The following CTNNA2 variants were observed in gnomAD, a reference collection of about 807,000 sequenced individuals.
CTNNA2 encodes catenin alpha 2, also known as catenin alpha-2.
CTNNA2 carries 42 observed loss-of-function variants against 101.0 expected under a neutral mutation model. The ratio of observed to expected loss-of-function variants is 0.42; its 90% CI spans 0.32 to 0.54. The LOEUF (loss-of-function observed/expected upper bound fraction) is 0.54, where lower values mean the gene tolerates loss of function less well. Ranked by LOEUF, CTNNA2 falls within the 20% of genes least tolerant of loss-of-function variation. The probability of loss-of-function intolerance (pLI) is 0.14; values close to 1 mark genes in which losing one functional copy is unlikely to be tolerated. For missense variants in CTNNA2, 871 were observed against 1,223.1 expected (o/e 0.71, Z 4.29); for synonymous variants, 450 against 456.4 (o/e 0.99, Z 0.18).
intron 2 of CTNNA2, among the ~76,000 whole-genome samples, chr2:79,690,943 G>A (rs1237100901): frequency 5.3e-5 from 8 of 151,928 alleles, no homozygotes; most frequent in African/African-American, 1.9e-4. Context: ...TCCAATTTAT[G>A]TACCCATTAT....
chr2:79,837,580 T>C (rs1679477187), intron 3 of CTNNA2, among the ~76,000 whole-genome samples: 1 of 151,988 alleles, frequency 6.6e-6, no homozygotes, highest in Admixed American at 6.6e-5. Flanking sequence ...ATGGCAGAGG[T>C]GTATATTGAA....
At chr2:79,940,518 C>T (rs999801778) in intron 7 of CTNNA2, among the ~76,000 whole-genome samples, 4 of 152,190 alleles carry the variant, frequency 2.6e-5, no homozygotes, top group Non-Finnish European at 5.9e-5. Flanking sequence ...TGCCTAGCAA[C>T]CTGAAAAAAG....
intron 1 of CTNNA2, among the ~76,000 whole-genome samples, chr2:79,533,826 A>C (rs545496022): frequency 1.3e-4 from 20 of 152,170 alleles, no homozygotes; most frequent in Admixed American, 8.5e-4. Flanking sequence ...GGAAACAACA[A>C]AACACAATTA....
At chr2:79,635,206 G>A (rs2104383218) in intron 1 of CTNNA2, among the ~76,000 whole-genome samples, 1 of 152,202 alleles carries the variant, frequency 6.6e-6, no homozygotes, top group East Asian at 2.0e-4. Context: ...ATTGTAGGAG[G>A]TAAGAGAAAG....
Position 79,826,915 on chromosome 2 carries a change from T to C in CTNNA2, c.299-31098T>C, listed in dbSNP as rs544667041. Among the ~76,000 whole-genome samples the C allele has an allele frequency of 3.3e-5, 5 of 152,354 alleles. No homozygotes were observed. In the East Asian group the frequency reaches 9.6e-4, roughly 29 times the overall value. ...AGGAAGAGAAAGAGAGTCATTAAACTGGCTTCGGAGACACTGGCCACTTTA... is the reference window on the plus strand; with the variant it reads ...AGGAAGAGAAAGAGAGTCATTAAACCGGCTTCGGAGACACTGGCCACTTTA... On this transcript the variant is annotated intron_variant, in intron 3 of 18. Transcript: ENST00000402739.
chr2:80,611,865 C>T (rs1698493385), intron 17 of CTNNA2, among the ~76,000 whole-genome samples: 1 of 151,400 alleles, frequency 6.6e-6, no homozygotes. Flanking sequence ...AACATAACAG[C>T]AATAACCCTA....
intron 3 of CTNNA2, among the ~76,000 whole-genome samples, chr2:79,793,786 A>G (rs1026345311): frequency 1.3e-5 from 2 of 152,092 alleles, no homozygotes; most frequent in African/African-American, 4.8e-5. Context: ...AGAAATTACA[A>G]TACATAATCA....
chr2:79,292,604 C>T (rs898019091), intron 2 of CTNNA2, among the ~76,000 whole-genome samples: 1 of 152,024 alleles, frequency 6.6e-6, no homozygotes, highest in African/African-American at 2.4e-5. Flanking sequence ...ACAAGTACCC[C>T]ATTTCCCAGG....
At chr2:80,468,773 C>T (rs1685063036) in intron 9 of CTNNA2, among the ~76,000 whole-genome samples, 1 of 152,268 alleles carries the variant, frequency 6.6e-6, no homozygotes, top group East Asian at 1.9e-4. Context: ...TTCAATATCA[C>T]ATTGAGATGA....
intron 2 of CTNNA2, among the ~76,000 whole-genome samples, chr2:79,682,081 AG>A (rs754100240): frequency 6.0e-4 from 92 of 152,292 alleles, no homozygotes; most frequent in Non-Finnish European, 1.2e-3. Context: ...AAAACTTTTT[AG>A]GCTGAATATT....
chr2:79,536,426 G>A (rs755950385), intron 1 of CTNNA2, among the ~76,000 whole-genome samples: 2 of 152,268 alleles, frequency 1.3e-5, no homozygotes, highest in Non-Finnish European at 2.9e-5. Context: ...TGGCAAGTAA[G>A]ATCCAGAGAT....
chr2:80,072,407 T>G (rs1698404561), intron 7 of CTNNA2, among the ~76,000 whole-genome samples: 1 of 152,118 alleles, frequency 6.6e-6, no homozygotes, highest in African/African-American at 2.4e-5. Flanking sequence ...CTGATTTCTG[T>G]AGCACTTAAG....
chr2:80,580,599 CTG>C (rs34218550), intron 13 of CTNNA2, among the ~76,000 whole-genome samples: 7,973 of 152,242 alleles, frequency 0.052, 261 homozygotes, highest in Middle Eastern at 0.078. Context: ...CCTAATGTCA[CTG>C]TGCTCATCTG....
At chr2:79,329,838 C>G (rs563174611) in intron 3 of CTNNA2, among the ~76,000 whole-genome samples, 2 of 152,288 alleles carry the variant, frequency 1.3e-5, no homozygotes, top group Non-Finnish European at 2.9e-5. Context: ...AATCTGGCTA[C>G]TTGCTTTTCT....
intron 3 of CTNNA2, among the ~76,000 whole-genome samples, chr2:79,326,191 C>T (rs1303059638): frequency 1.3e-5 from 2 of 151,042 alleles, no homozygotes; most frequent in East Asian, 3.9e-4. Context: ...TCTGCCTTGA[C>T]ATTGAACAAA....
In CTNNA2 at chr2:80,303,567, A is replaced by G. The variant is rs1287729541; in HGVS notation, c.1057-89644A>G. 2 of 1,614,212 alleles carry G rather than the reference A, an allele frequency of 1.2e-6. No individual in the cohort carries two copies. The highest frequency in any genetic ancestry group is 2.2e-5 in the South Asian group (2 of 91,086). ...CACGTGAGCTGCATTAACCCCGTGA[A>G]CTGGCCGGCGCGCAGCTCCGAGAGG... On this transcript the variant is annotated intron_variant, in intron 7 of 18. Transcript: ENST00000402739. The surrounding 1 kb of genome is among the most constrained non-coding windows in gnomAD (Gnocchi z 7.7).
intron 4 of CTNNA2, among the ~76,000 whole-genome samples, chr2:79,436,593 G>A (rs867720624): frequency 6.6e-6 from 1 of 151,950 alleles, no homozygotes; most frequent in Non-Finnish European, 1.5e-5. Flanking sequence ...AGTCAGCTCT[G>A]GTTTAAAGAA....
chr2:79,917,069 T>TTATC (rs1686293334), intron 7 of CTNNA2, among the ~76,000 whole-genome samples: 1 of 93,546 alleles, frequency 1.1e-5, no homozygotes, highest in Non-Finnish European at 2.1e-5. Flanking sequence ...CCTTATTTAT[T>TTATC]TATTTATTTA....
intron 2 of CTNNA2, among the ~76,000 whole-genome samples, chr2:79,684,485 G>T (rs950105452): frequency 1.3e-5 from 2 of 152,112 alleles, no homozygotes; most frequent in Non-Finnish European, 2.9e-5. Context: ...GCATCTACTG[G>T]ATTGTGTTTA....
Sources: allele counts gnomAD v4.1 joint callset (sites outside exome capture counted in the v4.1 genomes callset), GRCh38; gene constraint gnomAD v4.1.1; non-coding constraint Gnocchi (gnomAD v3.1); transcripts MANE v1.5; gene names NCBI Gene and HGNC (gene_info 2026-07-23, HGNC 2026-07-21).